Variants in SRD5A1 observed in about 807,000 individuals in gnomAD.
The protein encoded by SRD5A1 is 3-oxo-5-alpha-steroid 4-dehydrogenase 1.
SRD5A1 carries 22 observed loss-of-function variants against 28.2 expected under a neutral mutation model. That is an observed-to-expected ratio of 0.78 (90% CI 0.56 to 1.12). The LOEUF (loss-of-function observed/expected upper bound fraction) is 1.12, where lower values mean the gene tolerates loss of function less well. Among genes scored for constraint, SRD5A1 ranks in the 50% most tolerant of loss-of-function variants. The pLI, the probability that SRD5A1 is intolerant of heterozygous loss-of-function variation, is 0.00. For missense variants in SRD5A1, 300 were observed against 346.7 expected (o/e 0.87, Z 1.07); for synonymous variants, 151 against 135.0 (o/e 1.12, Z -0.82).
intron 1 of SRD5A1, among the ~76,000 whole-genome samples, chr5:6,638,007 G>A (rs1651074): frequency 0.19 from 29,339 of 152,140 alleles, 3,045 homozygotes; most frequent in African/African-American, 0.24. Context: ...CTTTGAGGGT[G>A]AAGTGTGTTA....
intron 1 of SRD5A1, among the ~76,000 whole-genome samples, chr5:6,646,679 A>T (rs1738520018): frequency 6.6e-6 from 1 of 151,810 alleles, no homozygotes; most frequent in African/African-American, 2.4e-5. Context: ...CTTCTTTATT[A>T]GTCTGGCTAG....
intron 1 of SRD5A1, among the ~76,000 whole-genome samples, chr5:6,645,951 C>T (rs1185344083): frequency 3.3e-5 from 5 of 152,092 alleles, no homozygotes; most frequent in Admixed American, 2.6e-4. Flanking sequence ...CCCATTAACC[C>T]GTGATCTGCA....
chr5:6,646,802 T>C (rs1272378649), intron 1 of SRD5A1, among the ~76,000 whole-genome samples: 2 of 152,176 alleles, frequency 1.3e-5, no homozygotes, highest in Admixed American at 6.5e-5. Context: ...TCTTAGTTAT[T>C]TCTTATCTTC....
chr5:6,660,134 C>G (rs1473944421), intron 3 of SRD5A1, among the ~76,000 whole-genome samples: 4 of 152,178 alleles, frequency 2.6e-5, no homozygotes, highest in African/African-American at 9.7e-5. Context: ...ACAGGCTGAA[C>G]TAGGGCTTAG....
chr5:6,651,867 C>G lies in SRD5A1; in HGVS notation c.319C>G (p.Arg107Gly). The G allele has an allele frequency of 6.2e-7, 1 of 1,610,874 alleles. No homozygotes were observed. Among genetic ancestry groups the G allele is most frequent in the Non-Finnish European group, 8.5e-7 (1 of 1,178,356 alleles). The change falls in exon 2 of 5, where the codon CGA (arginine) becomes GGA (glycine). Residue 107 changes from arginine to glycine, a missense_variant. Arg to Gly is a moderately radical substitution (Grantham distance 125). Transcript: ENST00000274192. ...GTGCTTAATTTACCCATTTCTGATG[C>G]GAGGAGGAAAGCCTATGCCACTGTT... ...HRCLIYPFLMRGGKPMPLLAC... is the reference protein window; with the variant it reads ...HRCLIYPFLMGGGKPMPLLAC...
chr5:6,661,260 G>T (rs937486236), intron 3 of SRD5A1, among the ~76,000 whole-genome samples: 2 of 151,964 alleles, frequency 1.3e-5, no homozygotes, highest in African/African-American at 4.8e-5. Context: ...ACCATCTCAG[G>T]CTGGGTGTCA....
At chr5:6,660,962 G>T (rs1274988069) in intron 3 of SRD5A1, among the ~76,000 whole-genome samples, 2 of 152,138 alleles carry the variant, frequency 1.3e-5, no homozygotes, top group African/African-American at 4.8e-5. Context: ...ACCATTACAT[G>T]TCATGAGAAT....
intron 1 of SRD5A1, among the ~76,000 whole-genome samples, chr5:6,641,017 G>A (rs1237319191): frequency 1.3e-5 from 2 of 152,198 alleles, no homozygotes; most frequent in Admixed American, 1.3e-4. Context: ...CGAATGGGAT[G>A]GTGTAGGAGA....
At chr5:6,637,887 C>CT (rs1397259176) in intron 1 of SRD5A1, among the ~76,000 whole-genome samples, 1 of 152,210 alleles carries the variant, frequency 6.6e-6, no homozygotes, top group South Asian at 2.1e-4. Flanking sequence ...ATTGCACCTA[C>CT]TTTGATTCCT....
In SRD5A1 at chr5:6,633,621, G is replaced by T. The variant is rs767571167; in HGVS notation, c.45G>T (p.Ala15=). 7.8e-6 allele frequency: 12 copies of T among 1,532,872 alleles called. No homozygotes were observed. The highest frequency in any genetic ancestry group is 1.0e-5 in the Non-Finnish European group (12 of 1,147,794). 95.0% of individuals were successfully genotyped at this position (1,532,872 alleles called of 1,614,324 possible). The change falls in exon 1 of 5, where the codon GCG becomes GCT. Residue 15 remains alanine (A), a synonymous_variant. Coordinates refer to ENST00000274192, the MANE Select transcript of SRD5A1 (RefSeq NM_001047.4). ...TGVAEERLLA[A]LAYLQCAVGC... is the part of the protein sequence containing the mutation. ...TGGCGGAGGAGCGCCTGCTGGCCGC[G>T]CTCGCCTACCTGCAGTGCGCCGTGG...
chr5:6,642,258 TA>T (rs1738387540), intron 1 of SRD5A1, among the ~76,000 whole-genome samples: 1 of 152,242 alleles, frequency 6.6e-6, no homozygotes, highest in Non-Finnish European at 1.5e-5. Context: ...TTTATCTCTA[TA>T]AATGGAAGCG....
At chr5:6,665,605 C>T (rs1177361094) in intron 4 of SRD5A1, among the ~76,000 whole-genome samples, 1 of 152,152 alleles carries the variant, frequency 6.6e-6, no homozygotes, top group Non-Finnish European at 1.5e-5. Flanking sequence ...GTGAAGATGC[C>T]ATCCTTTTAT....
At chr5:6,641,075 G>A (rs1284605453) in intron 1 of SRD5A1, among the ~76,000 whole-genome samples, 1 of 152,178 alleles carries the variant, frequency 6.6e-6, no homozygotes, top group South Asian at 2.1e-4. Flanking sequence ...AGTCTGGGCC[G>A]CAGACTGATG....
chr5:6,665,949 T>G (rs947050550), intron 4 of SRD5A1, among the ~76,000 whole-genome samples: 3 of 152,256 alleles, frequency 2.0e-5, no homozygotes, highest in Admixed American at 1.3e-4. Context: ...TTGGTGTCAG[T>G]GTGAAACCAG....
intron 2 of SRD5A1, 147 bp downstream of exon 2, chr5:6,652,155 GC>G: frequency 1.1e-6 from 1 of 909,630 alleles, no homozygotes; most frequent in South Asian, 2.1e-5. Flanking sequence ...CCATGGGAGA[GC>G]CCAGCTGTCT....
intron 2 of SRD5A1, 79 bp downstream of exon 2, chr5:6,652,087 A>C: frequency 1.4e-6 from 2 of 1,448,790 alleles, no homozygotes; most frequent in South Asian, 2.8e-5. Context: ...TCTAATGAGA[A>C]AGTCCAAGCT....
intron 4 of SRD5A1, among the ~76,000 whole-genome samples, chr5:6,665,601 A>T (rs976127794): frequency 6.6e-6 from 1 of 152,200 alleles, no homozygotes; most frequent in Non-Finnish European, 1.5e-5. Flanking sequence ...CCCGGTGAAG[A>T]TGCCATCCTT....
In SRD5A1 at chr5:6,633,674, A is replaced by G. The variant is rs1226677841; in HGVS notation, c.98A>G (p.Gln33Arg). 1.3e-6 allele frequency: 2 copies of G among 1,584,820 alleles called. No individual in the cohort carries two copies. Among genetic ancestry groups the G allele is most frequent in the Admixed American group, 1.7e-5 (1 of 58,062 alleles). Residue 33 changes from glutamine (Q) to arginine (R), a missense_variant, in exon 1 of 5, where the codon CAG becomes CGG. Gln to Arg is a conservative substitution (Grantham distance 43, BLOSUM62 1). This residue lies in a region of SRD5A1 where 174 missense variants were observed against 160.9 expected (regional missense o/e 1.08). Transcript: ENST00000274192. ...TGCGCGGTCTTCGCGCGCAATCGTC[A>G]GACGAACTCAGTGTACGGCCGCCAC... is the stretch of plus-strand genomic sequence containing the variant. ...VGCAVFARNR[Q>R]TNSVYGRHAL...
chr5:6,662,117 G>C (rs1739024440), intron 3 of SRD5A1, among the ~76,000 whole-genome samples: 1 of 152,112 alleles, frequency 6.6e-6, no homozygotes, highest in Non-Finnish European at 1.5e-5. Context: ...CTCCTGCCTG[G>C]AGCACTCCTG....
Sources: gnomAD v4.1 joint callset for allele counts (sites outside exome capture counted in the v4.1 genomes callset) on GRCh38, gnomAD v4.1.1 for gene constraint, gnomAD v4.1.1 regional missense constraint, MANE v1.5 for transcripts, NCBI Gene and HGNC (gene_info 2026-07-23, HGNC 2026-07-21) for gene names.